MYLK: variants seen among roughly 807,000 people sequenced by gnomAD.
MYLK encodes the protein myosin light chain kinase, smooth muscle.
In MYLK, 106 loss-of-function variants were observed where a neutral mutation model predicts 203.4. That is an observed-to-expected ratio of 0.52 (90% CI 0.45 to 0.61). MYLK has a LOEUF of 0.61. Among genes scored for constraint, MYLK ranks in the 20% least tolerant of loss-of-function variants. MYLK has a pLI of 0.00. For missense variants in MYLK, 2,072 were observed against 2,442.3 expected, an observed-to-expected ratio of 0.85 and a Z score of 3.20; for synonymous variants, 867 against 959.5, an observed-to-expected ratio of 0.90 and a Z score of 1.78.
intron 2 of MYLK, among the ~76,000 whole-genome samples, chr3:123,855,582 T>C (rs933494591): frequency 2.6e-5 from 4 of 151,912 alleles, no homozygotes; most frequent in Non-Finnish European, 4.4e-5. Flanking sequence ...GAGGCTACAG[T>C]GAGTTATGAT....
rs76572320 is a variant in MYLK at position 123,735,718 on chromosome 3, A to G, written c.755-302T>C. On this transcript the variant is annotated intron_variant, in intron 8 of 33. Transcript: ENST00000360304. The stretch of plus-strand genomic sequence containing the variant: ...CCAATCCAGGGACAAACAAACATCT[A>G]CTGAAAATTCCAAACCCAAATGCTG... 3.1e-3 allele frequency: 1,197 copies of G among 382,102 alleles called. 14 individuals carry two copies. Among genetic ancestry groups the G allele is most frequent in the African/African-American group, 0.022 (1,118 of 49,942 alleles). 23.7% of individuals were successfully genotyped at this position (382,102 alleles called of 1,614,324 possible). A position where few individuals can be genotyped will look rare whatever the true frequency, so the allele number is the denominator to read the frequency against.
At chr3:123,734,946 C>T (rs2062622126) in intron 9 of MYLK, 1 of 268,458 alleles carries the variant, frequency 3.7e-6, no homozygotes, top group Admixed American at 4.4e-5. Context: ...AGACGCATCC[C>T]AGTTGGTAAT....
chr3:123,821,267 TTATAA>T lies in MYLK; in HGVS notation c.-4+10276_-4+10280del, dbSNP rs556070645. 2.8e-3 allele frequency among the ~76,000 whole-genome samples: 434 copies of T among 152,352 alleles called. 1 individual carries two copies. Among genetic ancestry groups the T allele is most frequent in the Non-Finnish European group, 2.6e-3 (177 of 68,044 alleles). ...TTAGATTTTACTGTCTAAAGATCTCTTATAATATATTTTAAGCAGGGCAGGGTATC... is the reference window on the plus strand; with the variant it reads ...TTAGATTTTACTGTCTAAAGATCTCTTATATTTTAAGCAGGGCAGGGTATC... On this transcript the variant is annotated intron_variant, in intron 3 of 33. Coordinates refer to ENST00000360304, the MANE Select transcript of MYLK (RefSeq NM_053025.4).
chr3:123,662,464 C>T (rs1440862863), intron 23 of MYLK, among the ~76,000 whole-genome samples: 1 of 152,046 alleles, frequency 6.6e-6, no homozygotes. Context: ...CAAGGAATCA[C>T]AGACCACCAG....
At chr3:123,626,380 A>G (rs762760755) in intron 31 of MYLK, among the ~76,000 whole-genome samples, 10 of 152,222 alleles carry the variant, frequency 6.6e-5, no homozygotes, top group Non-Finnish European at 1.5e-4. Flanking sequence ...CAACCTTCCT[A>G]GATGGTGGGA....
chr3:123,823,629 C>T (rs755244116), intron 3 of MYLK, among the ~76,000 whole-genome samples: 34 of 152,168 alleles, frequency 2.2e-4, no homozygotes, highest in Non-Finnish European at 7.3e-5. Flanking sequence ...ATGTGCCTCC[C>T]TAATTCCACT....
intron 24 of MYLK, among the ~76,000 whole-genome samples, chr3:123,653,122 T>G (rs978717159): frequency 3.9e-5 from 6 of 152,066 alleles, no homozygotes; most frequent in African/African-American, 1.4e-4. Flanking sequence ...GAGCCAACAT[T>G]AGCCGGGCTT....
intron 29 of MYLK, among the ~76,000 whole-genome samples, chr3:123,632,233 C>T (rs1271471932): frequency 6.6e-6 from 1 of 152,094 alleles, no homozygotes; most frequent in African/African-American, 2.4e-5. Context: ...CCTCCCAGCT[C>T]TCTCTGTCTC....
At chr3:123,647,138 G>A in intron 27 of MYLK, 86 bp downstream of exon 27, 1 of 1,234,030 alleles carries the variant, frequency 8.1e-7, no homozygotes, top group Non-Finnish European at 1.2e-6. Flanking sequence ...TCCATCTTGG[G>A]GCAGAGGTGG....
At chr3:123,769,746 A>G (rs2063816419) in intron 4 of MYLK, among the ~76,000 whole-genome samples, 1 of 152,132 alleles carries the variant, frequency 6.6e-6, no homozygotes, top group Admixed American at 6.5e-5. Context: ...AAGAGCTACA[A>G]AGCTTTGGCT....
At chr3:123,753,644 G>C (rs896998218) in intron 4 of MYLK, among the ~76,000 whole-genome samples, 3 of 152,092 alleles carry the variant, frequency 2.0e-5, no homozygotes, top group African/African-American at 7.2e-5. Context: ...GAGTTTTAAA[G>C]AAAGGAAGTC....
intron 18 of MYLK, among the ~76,000 whole-genome samples, chr3:123,696,613 C>T (rs1442938279): frequency 6.6e-6 from 1 of 152,088 alleles, no homozygotes; most frequent in Non-Finnish European, 1.5e-5. Context: ...CCCCCACCCC[C>T]ATCCTGCCCT....
intron 24 of MYLK, among the ~76,000 whole-genome samples, chr3:123,649,716 C>A (rs2059145313): frequency 6.6e-6 from 1 of 152,158 alleles, no homozygotes; most frequent in African/African-American, 2.4e-5. Flanking sequence ...TTTCTTATAG[C>A]TTATAATTTA....
intron 24 of MYLK, among the ~76,000 whole-genome samples, chr3:123,652,881 G>T (rs2059262211): frequency 6.6e-6 from 1 of 152,120 alleles, no homozygotes. Flanking sequence ...CTTAGGAGTG[G>T]CTCTGGCATA....
chr3:123,834,318 T>C (rs2066421915), intron 2 of MYLK, among the ~76,000 whole-genome samples: 1 of 152,222 alleles, frequency 6.6e-6, no homozygotes, highest in Non-Finnish European at 1.5e-5. Context: ...AGTGCTGGGA[T>C]TACAGGCGTG....
At chr3:123,862,816 T>C (rs2032032755) in intron 2 of MYLK, among the ~76,000 whole-genome samples, 1 of 152,084 alleles carries the variant, frequency 6.6e-6, no homozygotes, top group Non-Finnish European at 1.5e-5. Flanking sequence ...TACTTGTTCT[T>C]CCAAGTTTTT....
At chr3:123,778,787 G>T (rs904599127) in intron 4 of MYLK, among the ~76,000 whole-genome samples, 2 of 152,208 alleles carry the variant, frequency 1.3e-5, no homozygotes, top group Non-Finnish European at 2.9e-5. Flanking sequence ...AGAAGAACCT[G>T]TTTAGGGACA....
chr3:123,813,834 G>C (rs912669373), intron 3 of MYLK, among the ~76,000 whole-genome samples: 2 of 152,030 alleles, frequency 1.3e-5, no homozygotes, highest in Non-Finnish European at 2.9e-5. Context: ...TTAAGCACTA[G>C]AGGCAACCAG....
chr3:123,884,034 G>A (rs1354119106), intron 1 of MYLK, among the ~76,000 whole-genome samples, 172 bp downstream of exon 1: 1 of 152,088 alleles, frequency 6.6e-6, no homozygotes, highest in Admixed American at 6.5e-5. Flanking sequence ...GGCGTCACTG[G>A]GGTCGTCTCC....
Sources: allele counts gnomAD v4.1 joint callset (sites outside exome capture counted in the v4.1 genomes callset), GRCh38; gene constraint gnomAD v4.1.1; transcripts MANE v1.5; gene names NCBI Gene and HGNC (gene_info 2026-07-23, HGNC 2026-07-21).